ANXA4: variants seen among roughly 807,000 people sequenced by gnomAD.
ANXA4 encodes annexin A4.
A neutral mutation model predicts 49.8 loss-of-function variants in ANXA4; 39 were observed. The observed-to-expected ratio is 0.78, with a 90% CI of 0.61 to 1.02. ANXA4 has a LOEUF of 1.02. ANXA4 is among the 50% of genes least tolerant of loss of function. The pLI is 0.00. For missense variants in ANXA4, 360 were observed against 410.1 expected, an observed-to-expected ratio of 0.88 and a Z score of 1.05; for synonymous variants, 134 against 152.5, an observed-to-expected ratio of 0.88 and a Z score of 0.89.
At chr2:69,693,919 A>C (rs1678066254) in intron 2 of ANXA4, among the ~76,000 whole-genome samples, 1 of 152,068 alleles carries the variant, frequency 6.6e-6, no homozygotes. Flanking sequence ...TACAGGTTGC[A>C]CACCCATGAA....
chr2:69,696,892 A>G (rs1678177373), intron 2 of ANXA4, among the ~76,000 whole-genome samples: 2 of 152,182 alleles, frequency 1.3e-5, no homozygotes, highest in African/African-American at 2.4e-5. Flanking sequence ...TGCTATAAAC[A>G]GATGTGCTGT....
At chr2:69,803,155 C>T (rs1673292790) in intron 3 of ANXA4, among the ~76,000 whole-genome samples, 1 of 151,318 alleles carries the variant, frequency 6.6e-6, no homozygotes, top group African/African-American at 2.4e-5. Flanking sequence ...CTGGACTGCA[C>T]TCCAGCCCGG....
chr2:69,732,908 C>T, intron 3 of ANXA4, among the ~76,000 whole-genome samples: 1 of 152,180 alleles, frequency 6.6e-6, no homozygotes. Context: ...GCTGTGGGTG[C>T]CACCTTTTCC....
chr2:69,676,889 A>T (rs1210645731), intron 2 of ANXA4, among the ~76,000 whole-genome samples: 1 of 152,154 alleles, frequency 6.6e-6, no homozygotes, highest in South Asian at 2.1e-4. Context: ...CGGGGGAAAA[A>T]AACAAAAAAA....
intron 2 of ANXA4, chr2:69,700,117 T>G (rs1678284024): frequency 6.6e-6 from 1 of 152,258 alleles, no homozygotes; most frequent in African/African-American, 2.4e-5. Context: ...AATGTAAATT[T>G]TTTTAAAGAA....
chr2:69,811,513 G>T (rs776883103), intron 7 of ANXA4: 1 of 152,186 alleles, frequency 6.6e-6, no homozygotes, highest in Admixed American at 6.5e-5. Flanking sequence ...GAGCTAGGTG[G>T]GGCAGGGTTG....
At chr2:69,647,816 C>T (rs1319853312) in intron 1 of ANXA4, among the ~76,000 whole-genome samples, 2 of 152,164 alleles carry the variant, frequency 1.3e-5, no homozygotes. Flanking sequence ...CTCAGCCTCC[C>T]AAAGTGCTGA....
chr2:69,707,314 C>T (rs1304918943), intron 2 of ANXA4, among the ~76,000 whole-genome samples: 1 of 152,142 alleles, frequency 6.6e-6, no homozygotes, highest in African/African-American at 2.4e-5. Context: ...CTACTTCTTC[C>T]TGGGTCAGTC....
At chr2:69,651,753 C>T (rs1437277175) in intron 1 of ANXA4, among the ~76,000 whole-genome samples, 1 of 147,194 alleles carries the variant, frequency 6.8e-6, no homozygotes, top group Non-Finnish European at 1.5e-5. Flanking sequence ...CCCCCCATCT[C>T]GGCCTCCCAA....
At chr2:69,802,092 G>C (rs1573288172) in intron 3 of ANXA4, among the ~76,000 whole-genome samples, 1 of 152,220 alleles carries the variant, frequency 6.6e-6, no homozygotes, top group Admixed American at 6.5e-5. Context: ...ATGGGATACT[G>C]TAGAGAGTCT....
intron 2 of ANXA4, among the ~76,000 whole-genome samples, chr2:69,717,458 T>C (rs1349915655): frequency 3.3e-5 from 5 of 152,196 alleles, no homozygotes. Flanking sequence ...TCATTATTCC[T>C]GCATCATAAA....
At chr2:69,692,031 A>G (rs541275978) in intron 2 of ANXA4, among the ~76,000 whole-genome samples, 3 of 152,112 alleles carry the variant, frequency 2.0e-5, no homozygotes, top group Non-Finnish European at 4.4e-5. Context: ...GATTACAGGC[A>G]CTTGCCATCA....
At chr2:69,794,992 T>G (rs1672881053) in intron 3 of ANXA4, among the ~76,000 whole-genome samples, 1 of 152,210 alleles carries the variant, frequency 6.6e-6, no homozygotes, top group Admixed American at 6.5e-5. Context: ...CACCTGGTGC[T>G]CTGGTCCCTT....
intron 11 of ANXA4, among the ~76,000 whole-genome samples, chr2:69,820,484 G>A (rs1237976237): frequency 6.6e-6 from 1 of 152,086 alleles, no homozygotes; most frequent in Non-Finnish European, 1.5e-5. Flanking sequence ...GCAGGGAACG[G>A]CATCCTGTGG....
intron 2 of ANXA4, among the ~76,000 whole-genome samples, chr2:69,719,921 T>C (rs1482759653): frequency 6.6e-6 from 1 of 152,186 alleles, no homozygotes; most frequent in African/African-American, 2.4e-5. Flanking sequence ...TCACTGTGCC[T>C]GGCGAAGTCT....
At chr2:69,667,969 T>C (rs1486457308) in intron 2 of ANXA4, among the ~76,000 whole-genome samples, 6 of 152,196 alleles carry the variant, frequency 3.9e-5, no homozygotes, top group African/African-American at 1.2e-4. Flanking sequence ...GATGCACTAG[T>C]GAGCATGCAG....
chr2:69,819,578 CTAT>C (rs1416138572), intron 11 of ANXA4, among the ~76,000 whole-genome samples: 1 of 152,080 alleles, frequency 6.6e-6, no homozygotes, highest in East Asian at 1.9e-4. Context: ...CAGGCTGGTA[CTAT>C]TACTAACCTC....
At position 69,818,698 on chromosome 2, in the gene ANXA4, A is replaced by G; in HGVS notation, c.724+4A>G. ...GAAGATGCTCTGCTGGCTATAGGTA[A>G]GCTGGTAGGGGGAGTAGAGAAACAA... On this transcript the variant is annotated splice_donor_region_variant and intron_variant, in intron 10 of 12. Coordinates refer to ENST00000394295, the MANE Select transcript of ANXA4 (RefSeq NM_001153.5). The G allele has an allele frequency of 6.3e-7, 1 of 1,590,516 alleles. No homozygotes were observed. Among genetic ancestry groups the G allele is most frequent in the Non-Finnish European group, 8.6e-7 (1 of 1,161,458 alleles).
chr2:69,804,366 G>A (rs769574712), intron 3 of ANXA4, among the ~76,000 whole-genome samples, 167 bp from the exon 4 acceptor site: 8 of 152,080 alleles, frequency 5.3e-5, no homozygotes, highest in Admixed American at 1.3e-4. Flanking sequence ...GCTAAGTCCC[G>A]AACCTAGCAT....
Sources: gnomAD v4.1 joint callset for allele counts (sites outside exome capture counted in the v4.1 genomes callset) on GRCh38, gnomAD v4.1.1 for gene constraint, MANE v1.5 for transcripts, NCBI Gene and HGNC (gene_info 2026-07-23, HGNC 2026-07-21) for gene names.